The following NBEA variants were observed in gnomAD, a reference collection of about 807,000 sequenced individuals.
NBEA encodes neurobeachin.
NBEA carries 44 observed loss-of-function variants against 343.4 expected under a neutral mutation model. The observed-to-expected ratio is 0.13, with a 90% CI of 0.10 to 0.16. NBEA has a LOEUF of 0.16. Among genes scored for constraint, NBEA ranks in the 10% least tolerant of loss-of-function variants. The probability of loss-of-function intolerance (pLI) is 1.00; values close to 1 mark genes in which losing one functional copy is unlikely to be tolerated. For missense variants in NBEA, 2,555 were observed against 3,631.3 expected (o/e 0.70, Z 7.62); for synonymous variants, 1,175 against 1,238.7 (o/e 0.95, Z 1.08).
At chr13:35,646,212 C>G (rs1475174718) in intron 50 of NBEA, 47 bp from the exon 51 acceptor site, 1 of 1,406,032 alleles carries the variant, frequency 7.1e-7, no homozygotes, top group East Asian at 2.3e-5. Flanking sequence ...GTTGGCCTCT[C>G]TCTTTGATGC....
intron 38 of NBEA, among the ~76,000 whole-genome samples, chr13:35,401,607 A>G (rs1231973827): frequency 6.6e-6 from 1 of 152,024 alleles, no homozygotes; most frequent in Non-Finnish European, 1.5e-5. Flanking sequence ...ATCTTAAGAC[A>G]TCTGTAAGAG....
In NBEA at chr13:35,389,800, G is replaced by T. The variant is rs1443104841; in HGVS notation, c.6179+37477G>T. 6.6e-5 allele frequency among the ~76,000 whole-genome samples: 10 copies of T among 152,172 alleles called. No homozygotes were observed. In the East Asian group the frequency reaches 1.9e-3, roughly 29 times the overall value. On this transcript the variant is annotated intron_variant, in intron 38 of 58. Transcript: ENST00000379939. ...TTATTGGATTCTGCAAAAGAAAGGA[G>T]CACAGATAAAGTGGTCCTTTTATAA...
intron 57 of NBEA, 49 bp downstream of exon 57, chr13:35,667,619 A>G (rs1239669660): frequency 6.8e-6 from 10 of 1,479,914 alleles, no homozygotes; most frequent in African/African-American, 1.4e-5. Context: ...AAGAGATTAA[A>G]GATTGATTGT....
intron 41 of NBEA, among the ~76,000 whole-genome samples, chr13:35,506,974 ACTGTCCCCC>A (rs1309640675): frequency 6.6e-6 from 1 of 152,106 alleles, no homozygotes; most frequent in Non-Finnish European, 1.5e-5. Flanking sequence ...CCTTCTGGCT[ACTGTCCCCC>A]TTGTCCCCCT....
intron 16 of NBEA, among the ~76,000 whole-genome samples, chr13:35,121,983 A>G (rs1362456176): frequency 6.6e-6 from 1 of 152,186 alleles, no homozygotes; most frequent in African/African-American, 2.4e-5. Flanking sequence ...GCCAGTGTAT[A>G]TAGTTGTCAT....
chr13:35,225,271 G>A (rs1393264568), intron 33 of NBEA, among the ~76,000 whole-genome samples: 2 of 151,992 alleles, frequency 1.3e-5, no homozygotes, highest in Non-Finnish European at 2.9e-5. Flanking sequence ...TACATGATTG[G>A]GGATCTGTAA....
At chr13:35,414,894 T>G (rs2043811547) in intron 38 of NBEA, among the ~76,000 whole-genome samples, 1 of 152,200 alleles carries the variant, frequency 6.6e-6, no homozygotes, top group Non-Finnish European at 1.5e-5. Context: ...CAGCACCTGT[T>G]GTTTCCTGAC....
chr13:35,227,985 G>A (rs952300718), intron 33 of NBEA, among the ~76,000 whole-genome samples: 1 of 150,536 alleles, frequency 6.6e-6, no homozygotes, highest in East Asian at 1.9e-4. Context: ...ACTGATTTGT[G>A]TACTTAAAAT....
intron 41 of NBEA, among the ~76,000 whole-genome samples, chr13:35,538,838 G>A (rs1177479650): frequency 6.6e-6 from 1 of 152,190 alleles, no homozygotes; most frequent in African/African-American, 2.4e-5. Flanking sequence ...TGCTCAAGGT[G>A]TACTTTTAAT....
intron 1 of NBEA, among the ~76,000 whole-genome samples, chr13:34,960,653 A>G (rs892843550): frequency 6.6e-6 from 1 of 152,048 alleles, no homozygotes; most frequent in African/African-American, 2.4e-5. Context: ...ATATATTAAT[A>G]CTATTGAATT....
At chr13:35,570,615 A>T (rs918784358) in intron 45 of NBEA, among the ~76,000 whole-genome samples, 1 of 152,078 alleles carries the variant, frequency 6.6e-6, no homozygotes, top group Non-Finnish European at 1.5e-5. Context: ...TGTTCTTTCT[A>T]TTCTGTCACC....
intron 6 of NBEA, among the ~76,000 whole-genome samples, chr13:35,051,738 A>G (rs182442101): frequency 8.9e-4 from 136 of 152,160 alleles, no homozygotes; most frequent in Non-Finnish European, 1.4e-3. Context: ...ATAGTTTGCT[A>G]AAAGTGCCAA....
chr13:35,607,831 A>G (rs1194685699), intron 48 of NBEA, among the ~76,000 whole-genome samples: 2 of 152,126 alleles, frequency 1.3e-5, no homozygotes, highest in East Asian at 3.9e-4. Flanking sequence ...GAGCATTTTT[A>G]TCACCTCATA....
intron 38 of NBEA, among the ~76,000 whole-genome samples, chr13:35,387,059 T>C (rs2042276391): frequency 6.6e-6 from 1 of 152,158 alleles, no homozygotes; most frequent in Non-Finnish European, 1.5e-5. Context: ...GATTGGTTTA[T>C]AAGACTAAGC....
intron 34 of NBEA, among the ~76,000 whole-genome samples, chr13:35,264,629 C>G (rs1416297981): frequency 1.3e-5 from 2 of 151,792 alleles, no homozygotes; most frequent in Admixed American, 1.3e-4. Flanking sequence ...ATCACAATAA[C>G]AGATTGAAAG....
intron 45 of NBEA, among the ~76,000 whole-genome samples, chr13:35,570,035 T>A (rs192117900): frequency 1.3e-5 from 2 of 151,244 alleles, no homozygotes; most frequent in Non-Finnish European, 2.9e-5. Context: ...TGTTTGTTTG[T>A]TTGCTTGCTT....
At chr13:35,150,128 A>G (rs1449193413) in intron 18 of NBEA, among the ~76,000 whole-genome samples, 1 of 152,230 alleles carries the variant, frequency 6.6e-6, no homozygotes, top group Non-Finnish European at 1.5e-5. Context: ...ACCAACTTAC[A>G]GACCTCTGAC....
At chr13:35,644,719 G>C (rs9544878) in intron 49 of NBEA, among the ~76,000 whole-genome samples, 46,139 of 151,948 alleles carry the variant, frequency 0.3, 7,230 homozygotes, top group South Asian at 0.35. Flanking sequence ...ACTTTTCTTT[G>C]CAAATAATTC....
chr13:34,958,880 G>T (rs1020414447), intron 1 of NBEA, among the ~76,000 whole-genome samples: 1 of 152,142 alleles, frequency 6.6e-6, no homozygotes, highest in Non-Finnish European at 1.5e-5. Context: ...AGTATTCTAA[G>T]ATCAGGATCA....
Sources: allele counts gnomAD v4.1 joint callset (sites outside exome capture counted in the v4.1 genomes callset), GRCh38; gene constraint gnomAD v4.1.1; transcripts MANE v1.5; gene names NCBI Gene and HGNC (gene_info 2026-07-23, HGNC 2026-07-21).